Variants in KCNMA1 observed in about 807,000 individuals in gnomAD.
The protein encoded by KCNMA1 is Calcium-activated potassium channel subunit alpha-1.
In KCNMA1, 29 loss-of-function variants were observed where a neutral mutation model predicts 140.0. The ratio of observed to expected loss-of-function variants is 0.21; its 90% CI spans 0.15 to 0.28. The LOEUF (loss-of-function observed/expected upper bound fraction) is 0.28, where lower values mean the gene tolerates loss of function less well. KCNMA1 is among the 10% of genes least tolerant of loss of function. The pLI, the probability that KCNMA1 is intolerant of heterozygous loss-of-function variation, is 1.00. For synonymous variants in KCNMA1, 612 were observed against 611.9 expected (o/e 1.00, Z 0.00); for missense variants, 880 against 1,602.2 (o/e 0.55, Z 7.70).
chr10:77,338,028 TG>T (rs770130938), intron 2 of KCNMA1, among the ~76,000 whole-genome samples: 2 of 152,196 alleles, frequency 1.3e-5, no homozygotes, highest in Non-Finnish European at 2.9e-5. Context: ...GACTGAGATT[TG>T]GGGGCCATTT....
chr10:76,897,138 G>A (rs910501959), intron 25 of KCNMA1, among the ~76,000 whole-genome samples: 1 of 151,856 alleles, frequency 6.6e-6, no homozygotes, highest in Non-Finnish European at 1.5e-5. Flanking sequence ...AAGAGTGCTG[G>A]TTGATATTGA....
intron 1 of KCNMA1, among the ~76,000 whole-genome samples, chr10:77,630,204 CAGAG>C (rs2093015025): frequency 6.6e-6 from 1 of 152,204 alleles, no homozygotes; most frequent in Non-Finnish European, 1.5e-5. Context: ...TCAAACACTC[CAGAG>C]GGAGTGGTCC....
Position 77,636,991 on chromosome 10 carries a change from G to A in KCNMA1, c.378+274C>T. ...TGAGTCCCCGACCCCGGCCCCAGCC[G>A]CAGCCGCCAACAACCCTACAATAAA... On this transcript the variant is annotated intron_variant, in intron 1 of 27. Coordinates refer to ENST00000286628, the MANE Select transcript of KCNMA1 (RefSeq NM_001161352.2). The A allele has an allele frequency of 5.0e-6, 7 of 1,405,746 alleles. No individual in the cohort carries two copies. In the South Asian group the frequency reaches 9.9e-5, roughly 20 times the overall value. The allele number at this position is 1,405,746 out of a possible 1,614,324, so 87.1% of individuals were successfully genotyped here.
intron 14 of KCNMA1, among the ~76,000 whole-genome samples, chr10:77,050,114 C>T (rs1027930124): frequency 6.6e-6 from 1 of 152,076 alleles, no homozygotes; most frequent in Non-Finnish European, 1.5e-5. Flanking sequence ...CCCCATGTGA[C>T]TCAGCCCTCC....
At chr10:77,558,098 T>C (rs942815094) in intron 1 of KCNMA1, among the ~76,000 whole-genome samples, 1 of 152,188 alleles carries the variant, frequency 6.6e-6, no homozygotes, top group Non-Finnish European at 1.5e-5. Context: ...CAAGTTCTCT[T>C]TCATTTGACC....
intron 2 of KCNMA1, among the ~76,000 whole-genome samples, chr10:77,324,575 A>AT (rs59584238): frequency 0.23 from 35,109 of 151,976 alleles, 5,209 homozygotes; most frequent in Non-Finnish European, 0.34. Context: ...TGAATGTCTG[A>AT]TTTTTTTCTT....
intron 2 of KCNMA1, among the ~76,000 whole-genome samples, chr10:77,366,728 T>C (rs543508348): frequency 6.6e-6 from 1 of 152,310 alleles, no homozygotes; most frequent in Admixed American, 6.5e-5. Flanking sequence ...ACACACATGT[T>C]CTTTACAAAT....
intron 17 of KCNMA1, among the ~76,000 whole-genome samples, chr10:77,018,565 G>A (rs1392017605): frequency 3.3e-5 from 5 of 152,184 alleles, no homozygotes; most frequent in African/African-American, 9.6e-5. Flanking sequence ...AATAGAGCCA[G>A]TTTCATATTC....
intron 1 of KCNMA1, among the ~76,000 whole-genome samples, chr10:77,601,175 T>A (rs1416575655): frequency 6.6e-6 from 1 of 152,108 alleles, no homozygotes; most frequent in Non-Finnish European, 1.5e-5. Flanking sequence ...GCTTCACACC[T>A]CTAAGAGGCA....
chr10:77,398,679 T>C (rs1267960276), intron 2 of KCNMA1, among the ~76,000 whole-genome samples: 1 of 152,252 alleles, frequency 6.6e-6, no homozygotes, highest in Non-Finnish European at 1.5e-5. Context: ...ACACCAAGGC[T>C]GTTTGTGGCT....
chr10:77,248,781 C>T (rs1464985887), intron 3 of KCNMA1, among the ~76,000 whole-genome samples: 1 of 151,606 alleles, frequency 6.6e-6, no homozygotes, highest in Non-Finnish European at 1.5e-5. Context: ...GTGTTTTATT[C>T]CTGGAAATCT....
intron 3 of KCNMA1, among the ~76,000 whole-genome samples, chr10:77,208,056 T>G (rs1185339630): frequency 6.6e-6 from 1 of 152,218 alleles, no homozygotes; most frequent in Admixed American, 6.5e-5. Context: ...TATCGCCACA[T>G]CTTCCATTTT....
At chr10:77,059,321 G>C (rs2095654967) in intron 14 of KCNMA1, among the ~76,000 whole-genome samples, 1 of 151,784 alleles carries the variant, frequency 6.6e-6, no homozygotes, top group Non-Finnish European at 1.5e-5. Context: ...ATTTCTCCCA[G>C]AAAACAGAAG....
chr10:77,331,526 T>G (rs916365498), intron 2 of KCNMA1, among the ~76,000 whole-genome samples: 7 of 151,850 alleles, frequency 4.6e-5, no homozygotes, highest in African/African-American at 1.7e-4. Flanking sequence ...ACTTAATAAA[T>G]ATGACAATGG....
At chr10:77,036,619 T>C (rs1470551695) in intron 15 of KCNMA1, among the ~76,000 whole-genome samples, 3 of 152,250 alleles carry the variant, frequency 2.0e-5, no homozygotes, top group African/African-American at 7.2e-5. Flanking sequence ...CAATTCTTTT[T>C]CTTCTTCGTG....
At chr10:77,059,550 A>C (rs1382320463) in intron 14 of KCNMA1, among the ~76,000 whole-genome samples, 1 of 152,168 alleles carries the variant, frequency 6.6e-6, no homozygotes, top group Non-Finnish European at 1.5e-5. Flanking sequence ...TCAATATTGT[A>C]TAATCATTCA....
chr10:77,348,222 G>C (rs2092436515), intron 2 of KCNMA1, among the ~76,000 whole-genome samples: 1 of 152,162 alleles, frequency 6.6e-6, no homozygotes, highest in African/African-American at 2.4e-5. Flanking sequence ...CCTTTCCTGA[G>C]CTTTGAGGGG....
chr10:76,938,556 G>C (rs2061159663), intron 23 of KCNMA1, among the ~76,000 whole-genome samples: 1 of 152,112 alleles, frequency 6.6e-6, no homozygotes, highest in Non-Finnish European at 1.5e-5. Context: ...TCTCCCTAAA[G>C]CTCAGGTCCA....
chr10:77,467,363 G>GCT (rs1184060394), intron 1 of KCNMA1, among the ~76,000 whole-genome samples: 1 of 152,184 alleles, frequency 6.6e-6, no homozygotes, highest in African/African-American at 2.4e-5. Context: ...CGTCTCCGAA[G>GCT]CAGTTGTCTT....
Sources: gnomAD v4.1 joint callset for allele counts (sites outside exome capture counted in the v4.1 genomes callset) on GRCh38, gnomAD v4.1.1 for gene constraint, MANE v1.5 for transcripts, NCBI Gene and HGNC (gene_info 2026-07-23, HGNC 2026-07-21) for gene names.